Variants in MAML3 observed in about 807,000 individuals in gnomAD.
MAML3 encodes the protein mastermind like transcriptional coactivator 3.
MAML3 carries 27 observed loss-of-function variants against 101.9 expected under a neutral mutation model. The ratio of observed to expected loss-of-function variants is 0.27; its 90% CI spans 0.20 to 0.37. MAML3 has a LOEUF of 0.37. MAML3 is among the 10% of genes least tolerant of loss of function. The pLI is 1.00. For missense variants in MAML3, 1,316 were observed against 1,444.9 expected, an observed-to-expected ratio of 0.91 and a Z score of 1.45; for synonymous variants, 501 against 555.9, an observed-to-expected ratio of 0.90 and a Z score of 1.39.
rs777990371 is a variant in MAML3 at position 139,846,904 on chromosome 4, A to G, written c.2079+42453T>C. ...TGAGGCCATGTCACAATTCTTTGAT[A>G]GCACAAAGGTGGGGAAAACCCCAAA... is the stretch of plus-strand genomic sequence containing the variant. On this transcript the variant is annotated intron_variant, in intron 2 of 4. Transcript: ENST00000509479. 4.2e-4 allele frequency among the ~76,000 whole-genome samples: 64 copies of G among 152,342 alleles called. 1 individual carries two copies. The Middle Eastern group carries it at 0.01, about 24-fold the overall frequency.
chr4:140,144,349 C>A (rs1348621827), intron 1 of MAML3, among the ~76,000 whole-genome samples: 1 of 151,886 alleles, frequency 6.6e-6, no homozygotes, highest in African/African-American at 2.4e-5. Flanking sequence ...GAGTTTGAGA[C>A]CAGCCTGGGA....
chr4:140,013,225 G>A (rs1421904237), intron 1 of MAML3, among the ~76,000 whole-genome samples: 4 of 152,182 alleles, frequency 2.6e-5, no homozygotes, highest in South Asian at 2.1e-4. Flanking sequence ...TCAGGGGCAC[G>A]CACGCATCTC....
intron 1 of MAML3, among the ~76,000 whole-genome samples, chr4:140,036,208 G>A (rs1053257146): frequency 2.6e-5 from 4 of 152,156 alleles, no homozygotes; most frequent in South Asian, 2.1e-4. Flanking sequence ...CCATTCTGAC[G>A]CAGTATGTAT....
chr4:139,849,215 T>C (rs931521299), intron 2 of MAML3, among the ~76,000 whole-genome samples: 5 of 152,222 alleles, frequency 3.3e-5, no homozygotes, highest in Non-Finnish European at 5.9e-5. Context: ...ATAGGTATTA[T>C]AGAGAGCAAA....
chr4:140,088,365 A>G (rs72714217), intron 1 of MAML3, among the ~76,000 whole-genome samples: 1,650 of 152,278 alleles, frequency 0.011, 13 homozygotes, highest in Non-Finnish European at 0.016. Flanking sequence ...CAATTTCTCC[A>G]TCATGACAGG....
At chr4:139,754,505 G>T (rs1729602895) in intron 2 of MAML3, among the ~76,000 whole-genome samples, 1 of 152,128 alleles carries the variant, frequency 6.6e-6, no homozygotes, top group African/African-American at 2.4e-5. Context: ...CCTATTGTTG[G>T]ACATTTAAAT....
At chr4:140,091,556 A>AC (rs1728052867) in intron 1 of MAML3, among the ~76,000 whole-genome samples, 1 of 150,408 alleles carries the variant, frequency 6.6e-6, no homozygotes, top group African/African-American at 2.4e-5. Flanking sequence ...AACAAAAAAA[A>AC]AAAACAGGAC....
chr4:139,894,925 C>T (rs1448041516), intron 1 of MAML3, among the ~76,000 whole-genome samples: 1 of 152,212 alleles, frequency 6.6e-6, no homozygotes, highest in Non-Finnish European at 1.5e-5. Flanking sequence ...TTGGCACCTC[C>T]TGGAGTGATG....
chr4:140,092,367 A>C (rs1728074955), intron 1 of MAML3, among the ~76,000 whole-genome samples: 2 of 152,064 alleles, frequency 1.3e-5, no homozygotes, highest in Admixed American at 6.6e-5. Context: ...GACTGGGGGA[A>C]GATCATCAAC....
intron 1 of MAML3, among the ~76,000 whole-genome samples, chr4:139,986,411 AACAGAACT>A (rs1175773222): frequency 6.6e-6 from 1 of 152,226 alleles, no homozygotes; most frequent in Non-Finnish European, 1.5e-5. Flanking sequence ...CTTTTTATTT[AACAGAACT>A]ACAGAACTAC....
At chr4:139,725,994 A>G (rs1450786215) in intron 3 of MAML3, among the ~76,000 whole-genome samples, 159 bp from the exon 4 acceptor site, 1 of 152,216 alleles carries the variant, frequency 6.6e-6, no homozygotes, top group Admixed American at 6.5e-5. Context: ...GTCTAAGGAT[A>G]GAGTCAGGTA....
intron 2 of MAML3, among the ~76,000 whole-genome samples, chr4:139,808,641 T>G (rs1730741004): frequency 6.6e-6 from 1 of 152,204 alleles, no homozygotes; most frequent in Admixed American, 6.5e-5. Flanking sequence ...AGCCAGTCAC[T>G]GCCATTCCCC....
chr4:140,104,376 A>T (rs867081780), intron 1 of MAML3, among the ~76,000 whole-genome samples: 3 of 69,372 alleles, frequency 4.3e-5, no homozygotes, highest in African/African-American at 8.7e-5. Flanking sequence ...ATATATATAT[A>T]ATATATATAT....
intron 2 of MAML3, among the ~76,000 whole-genome samples, chr4:139,736,109 C>A (rs1272050003): frequency 6.6e-6 from 1 of 152,118 alleles, no homozygotes; most frequent in African/African-American, 2.4e-5. Context: ...CAGACACACA[C>A]ACACATACAC....
chr4:139,887,939 G>T (rs1413706818), intron 2 of MAML3, among the ~76,000 whole-genome samples: 1 of 152,190 alleles, frequency 6.6e-6, no homozygotes, highest in Non-Finnish European at 1.5e-5. Flanking sequence ...ATAATATATA[G>T]AAGTTCACAT....
rs1422189308 is a variant in MAML3, at chr4:140,119,670, A to G, written c.468+33190T>C. Among the ~76,000 whole-genome samples, 3 of 129,146 alleles carry G rather than the reference A, an allele frequency of 2.3e-5. No homozygotes were observed. The East Asian group carries it at 6.8e-4, about 29-fold the overall frequency. The allele number at this position is 129,146 out of a possible 152,430, so 84.7% of individuals were successfully genotyped here. On this transcript the variant is annotated intron_variant, in intron 1 of 4. Coordinates refer to ENST00000509479, the MANE Select transcript of MAML3 (RefSeq NM_018717.5). ...GGTCTTGCTCTTTCACCCAGGCTAT[A>G]CAGCACGGTGGCACAATCATAGCTC...
chr4:139,852,401 C>CTGTTTTTTTTTTTTTTTGT (rs1731570757), intron 2 of MAML3, among the ~76,000 whole-genome samples: 1 of 126,274 alleles, frequency 7.9e-6, no homozygotes, highest in African/African-American at 3.4e-5. Context: ...ATTCAGAAGA[C>CTGTTTTTTTTTTTTTTTGT]TGTTTTTTTT....
At chr4:139,961,640 A>C (rs904289891) in intron 1 of MAML3, among the ~76,000 whole-genome samples, 1 of 152,196 alleles carries the variant, frequency 6.6e-6, no homozygotes, top group African/African-American at 2.4e-5. Context: ...AATGTAGAAG[A>C]ATGGCTGTTT....
intron 2 of MAML3, among the ~76,000 whole-genome samples, chr4:139,804,729 A>C (rs973585573): frequency 6.6e-6 from 1 of 152,202 alleles, no homozygotes; most frequent in Non-Finnish European, 1.5e-5. Flanking sequence ...GTATACACTT[A>C]AGTAGTAGGA....
Sources: gnomAD v4.1 joint callset for allele counts (sites outside exome capture counted in the v4.1 genomes callset) on GRCh38, gnomAD v4.1.1 for gene constraint, MANE v1.5 for transcripts, NCBI Gene and HGNC (gene_info 2026-07-23, HGNC 2026-07-21) for gene names.